The following WWP2 variants were observed in gnomAD, a reference collection of about 807,000 sequenced individuals.
The protein encoded by WWP2 is WW domain containing E3 ubiquitin protein ligase 2, also known as NEDD4-like E3 ubiquitin-protein ligase WWP2.
A neutral mutation model predicts 121.0 loss-of-function variants in WWP2; 57 were observed. That is an observed-to-expected ratio of 0.47 (90% CI 0.38 to 0.59). The LOEUF is 0.59. Ranked by LOEUF, WWP2 falls within the 20% of genes least tolerant of loss-of-function variation. The pLI, the probability that WWP2 is intolerant of heterozygous loss-of-function variation, is 0.00. For missense variants in WWP2, 962 were observed against 1,158.9 expected (o/e 0.83, Z 2.47); for synonymous variants, 449 against 441.3 (o/e 1.02, Z -0.22).
At chr16:69,853,569 G>C (rs1255949903) in intron 6 of WWP2, among the ~76,000 whole-genome samples, 4 of 152,194 alleles carry the variant, frequency 2.6e-5, no homozygotes, top group African/African-American at 9.7e-5. Flanking sequence ...CAGTGCGTCA[G>C]GGCGGGCATA....
chr16:69,837,703 G>A (rs1406006484), intron 4 of WWP2, among the ~76,000 whole-genome samples: 2 of 152,170 alleles, frequency 1.3e-5, no homozygotes, highest in South Asian at 2.1e-4. Flanking sequence ...GAGGTATCAG[G>A]ACAGGAATCA....
intron 1 of WWP2, among the ~76,000 whole-genome samples, chr16:69,771,642 A>C (rs2055417857): frequency 6.6e-6 from 1 of 152,144 alleles, no homozygotes; most frequent in Non-Finnish European, 1.5e-5. Context: ...GGTTCCTTGC[A>C]TTTCCTTACT....
intron 9 of WWP2, among the ~76,000 whole-genome samples, chr16:69,917,256 T>C (rs1466260063): frequency 6.6e-6 from 1 of 152,256 alleles, no homozygotes; most frequent in African/African-American, 2.4e-5. Context: ...ATTTTTCTGC[T>C]CTGCCATCCA....
intron 1 of WWP2, among the ~76,000 whole-genome samples, chr16:69,774,462 G>A (rs1344288154): frequency 6.6e-6 from 1 of 152,116 alleles, no homozygotes; most frequent in Non-Finnish European, 1.5e-5. Context: ...TTGCCCTATT[G>A]TTCAGGCTGG....
chr16:69,871,009 G>A (rs1366991493), intron 6 of WWP2, among the ~76,000 whole-genome samples: 1 of 152,194 alleles, frequency 6.6e-6, no homozygotes, highest in East Asian at 1.9e-4. Flanking sequence ...GTCTAGGCCA[G>A]GCATAGTGGC....
chr16:69,876,237 C>T (rs926026465), intron 7 of WWP2, among the ~76,000 whole-genome samples: 3 of 152,042 alleles, frequency 2.0e-5, no homozygotes, highest in Admixed American at 6.5e-5. Flanking sequence ...GGATTGTAGG[C>T]TTAAGCCTTT....
intron 4 of WWP2, among the ~76,000 whole-genome samples, chr16:69,803,535 A>G (rs2056215253): frequency 1.3e-5 from 2 of 152,180 alleles, no homozygotes; most frequent in South Asian, 4.1e-4. Context: ...GGGAAGGTCC[A>G]TTCATTGGTT....
chr16:69,934,022 T>G lies in WWP2; in HGVS notation c.1735T>G (p.Phe579Val). Residue 579 changes from phenylalanine to valine, a missense_variant, in exon 17 of 24, where the codon TTT becomes GTT. Transcript: ENST00000359154. ...GGTGCTCAACCCTATGTATTGTTTA[T>G]TTGAATATGCCGGAAAGAACAATTA... is the stretch of plus-strand genomic sequence containing the variant. Reference protein sequence around the residue: ...HEVLNPMYCLFEYAGKNNYCL... With the variant: ...HEVLNPMYCLVEYAGKNNYCL... The G allele has an allele frequency of 1.2e-6, 2 of 1,614,198 alleles. No individual in the cohort carries two copies. Among genetic ancestry groups the G allele is most frequent in the Non-Finnish European group, 8.5e-7 (1 of 1,180,020 alleles).
chr16:69,918,005 C>T, intron 10 of WWP2, 122 bp downstream of exon 10: 1 of 1,275,404 alleles, frequency 7.8e-7, no homozygotes, highest in Non-Finnish European at 1.1e-6. Context: ...AACGTCAGTG[C>T]TCTGCCCCTG....
intron 1 of WWP2, among the ~76,000 whole-genome samples, chr16:69,777,137 A>G (rs1409889963): frequency 1.3e-5 from 2 of 151,588 alleles, no homozygotes; most frequent in Non-Finnish European, 2.9e-5. Context: ...ATGGATATAT[A>G]TACACATATG....
chr16:69,887,083 C>T (rs893489330), intron 7 of WWP2, among the ~76,000 whole-genome samples: 6 of 152,098 alleles, frequency 3.9e-5, no homozygotes, highest in South Asian at 2.1e-4. Flanking sequence ...TGCAATGCAC[C>T]TTGGGGTCCT....
At chr16:69,812,023 C>T (rs1364476370) in intron 4 of WWP2, among the ~76,000 whole-genome samples, 1 of 152,076 alleles carries the variant, frequency 6.6e-6, no homozygotes, top group Non-Finnish European at 1.5e-5. Context: ...TTCAGATTTC[C>T]CAGCTGTCAC....
At chr16:69,808,216 A>G (rs966729563) in intron 4 of WWP2, among the ~76,000 whole-genome samples, 10 of 151,418 alleles carry the variant, frequency 6.6e-5, no homozygotes, top group African/African-American at 2.4e-4. Context: ...CTGGCTTTTC[A>G]TTTTATATCT....
intron 1 of WWP2, among the ~76,000 whole-genome samples, chr16:69,776,605 G>A (rs528661967): frequency 2.3e-4 from 35 of 152,198 alleles, no homozygotes; most frequent in Non-Finnish European, 4.1e-4. Flanking sequence ...CAAGGTGGGC[G>A]GATCACCTGA....
chr16:69,936,923 A>G, intron 19 of WWP2, 195 bp from the exon 20 acceptor site: 1 of 661,176 alleles, frequency 1.5e-6, no homozygotes, highest in Non-Finnish European at 2.4e-6. Context: ...GATGATTTCA[A>G]AGACTCCGGT....
chr16:69,813,620 A>G (rs1376650801), intron 4 of WWP2, among the ~76,000 whole-genome samples: 1 of 152,022 alleles, frequency 6.6e-6, no homozygotes, highest in African/African-American at 2.4e-5. Context: ...GTGCTGGCTA[A>G]ATTTTTTATT....
At chr16:69,815,299 G>A (rs965069434) in intron 4 of WWP2, among the ~76,000 whole-genome samples, 19 of 152,174 alleles carry the variant, frequency 1.2e-4, no homozygotes, top group Middle Eastern at 3.4e-3. Flanking sequence ...CACCTCACCC[G>A]GCCTAATTTT....
At chr16:69,812,477 C>CCCCCCTTTT (rs1567679792) in intron 4 of WWP2, among the ~76,000 whole-genome samples, 1 of 119,900 alleles carries the variant, frequency 8.3e-6, no homozygotes, top group African/African-American at 3.3e-5. Flanking sequence ...AACCCCCCCC[C>CCCCCCTTTT]TTTTTTTTTT....
intron 6 of WWP2, among the ~76,000 whole-genome samples, chr16:69,860,756 C>G (rs1213227563): frequency 6.6e-6 from 1 of 151,762 alleles, no homozygotes; most frequent in Non-Finnish European, 1.5e-5. Context: ...AATCCCAACA[C>G]TTTGGGAGGC....
Sources: allele counts gnomAD v4.1 joint callset (sites outside exome capture counted in the v4.1 genomes callset), GRCh38; gene constraint gnomAD v4.1.1; transcripts MANE v1.5; gene names NCBI Gene and HGNC (gene_info 2026-07-23, HGNC 2026-07-21).